Variants in PEX1 observed in about 807,000 individuals in gnomAD.
PEX1 encodes peroxisomal ATPase PEX1.
PEX1 carries 97 observed loss-of-function variants against 152.5 expected under a neutral mutation model. That is an observed-to-expected ratio of 0.64 (90% CI 0.54 to 0.75). The LOEUF is 0.75. Among genes scored for constraint, PEX1 ranks in the 30% least tolerant of loss-of-function variants. The pLI is 0.00. For missense variants in PEX1, 1,357 were observed against 1,516.3 expected, an observed-to-expected ratio of 0.89 and a Z score of 1.74; for synonymous variants, 485 against 531.6, an observed-to-expected ratio of 0.91 and a Z score of 1.21.
chr7:92,507,285 C>T (rs1792242329), intron 9 of PEX1, 159 bp from the exon 10 acceptor site: 2 of 619,564 alleles, frequency 3.2e-6, no homozygotes, highest in Non-Finnish European at 5.4e-6. Context: ...GTCATCCAGG[C>T]TGGAGCGCAG....
chr7:92,507,043 G>C lies in PEX1; in HGVS notation c.1754C>G (p.Ser585Cys). The C allele has an allele frequency of 4.3e-6, 7 of 1,614,028 alleles. No homozygotes were observed. Among genetic ancestry groups the C allele is most frequent in the African/African-American group, 1.3e-5 (1 of 75,020 alleles). ...LGRPLSRQLM[S>C]LVAGLRNGAL... ...TCCATTCCTAAGTCCTGCAACAAGA[G>C]ACATCAGCTGCCGAGACAAAGGGCG... Residue 585 changes from serine to cysteine, a missense_variant, in exon 10 of 24, where the codon TCT becomes TGT. Transcript: ENST00000248633.
At position 92,517,400 on chromosome 7, in the gene PEX1, G is replaced by A. The variant is rs762078630; in HGVS notation, c.1115C>T (p.Ser372Leu). The change falls in exon 5 of 24, where the codon TCA becomes TTA. Residue 372 changes from serine (S) to leucine (L), a missense_variant. Ser to Leu is a moderately radical substitution (Grantham distance 145, BLOSUM62 -2). Transcript: ENST00000248633. ...CTTCTCATCTTCTTCATTATGATCT[G>A]ACCTAATTTTTTTTTGATCTAGTGG... ...SEPLDQKKIR[S>L]DHNEEDEKAC... The A allele has an allele frequency of 1.9e-6, 3 of 1,613,562 alleles. No individual in the cohort carries two copies. The highest frequency in any genetic ancestry group is 1.3e-5 in the African/African-American group (1 of 74,828).
chr7:92,506,366 G>C (rs756542412), intron 10 of PEX1, 22 bp from the exon 11 acceptor site: 6 of 1,412,530 alleles, frequency 4.2e-6, no homozygotes, highest in Non-Finnish European at 6.0e-6. Context: ...TTGCTTTATA[G>C]GAATTCCCAA....
At chr7:92,509,837 A>G (rs1235490086) in intron 8 of PEX1, among the ~76,000 whole-genome samples, 2 of 152,174 alleles carry the variant, frequency 1.3e-5, no homozygotes, top group South Asian at 4.1e-4. Context: ...TAATCAAAAA[A>G]TAATATTGTA....
At chr7:92,495,701 A>G (rs1295559606) in intron 17 of PEX1, among the ~76,000 whole-genome samples, 2 of 152,000 alleles carry the variant, frequency 1.3e-5, no homozygotes, top group Non-Finnish European at 2.9e-5. Context: ...TTTTTTCTTA[A>G]TCAAACTTGT....
intron 9 of PEX1, 98 bp from the exon 10 acceptor site, chr7:92,507,224 T>C: frequency 2.1e-6 from 2 of 947,538 alleles, no homozygotes; most frequent in Non-Finnish European, 3.2e-6. Flanking sequence ...TGTAGTTAAT[T>C]AATTTAATTT....
chr7:92,517,772 A>ATAGTCCATAAACTTGC lies in PEX1; in HGVS notation c.727_742dup (p.Met248SerfsTer16). 1.3e-6 allele frequency: 2 copies of ATAGTCCATAAACTTGC among 1,592,108 alleles called. No individual in the cohort carries two copies. The highest frequency in any genetic ancestry group is 1.7e-6 in the Non-Finnish European group (2 of 1,170,002). On this transcript the variant is annotated frameshift_variant, in exon 5 of 24. Transcript: ENST00000248633. LOFTEE classifies it high-confidence loss of function. ...TTGAAAGGAAAAAATGCTTCCTATC[A>ATAGTCCATAAACTTGC]TAGTCCATAAACTTGCTACTGATGA...
At chr7:92,526,261 T>G (rs1288227225) in intron 1 of PEX1, among the ~76,000 whole-genome samples, 1 of 152,224 alleles carries the variant, frequency 6.6e-6, no homozygotes, top group African/African-American at 2.4e-5. Context: ...CTAAAGCCTA[T>G]TCCCTAAGAT....
At chr7:92,487,775 G>A (rs1357485638) in intron 23 of PEX1, among the ~76,000 whole-genome samples, 1 of 151,136 alleles carries the variant, frequency 6.6e-6, no homozygotes, top group Non-Finnish European at 1.5e-5. Flanking sequence ...AAATACAAAT[G>A]ACAATGAATA....
chr7:92,511,455 G>GTTAA (rs1792462269), intron 7 of PEX1, 125 bp downstream of exon 7: 3 of 822,782 alleles, frequency 3.6e-6, no homozygotes, highest in Non-Finnish European at 5.8e-6. Flanking sequence ...AAAAACTACT[G>GTTAA]TTTAATTATC....
chr7:92,507,532 C>A (rs1264510497), intron 9 of PEX1: 4 of 193,630 alleles, frequency 2.1e-5, no homozygotes, highest in Admixed American at 5.4e-5. Context: ...ATTATAGACA[C>A]AAGCCACCAT....
rs1209511160 is a variant in PEX1, at chr7:92,515,102, T to C, written c.1240-1135A>G. ...ATATATATATATATATATATATATATATATATATATATATATATATCAATA... is the reference window on the plus strand; with the variant it reads ...ATATATATATATATATATATATATACATATATATATATATATATATCAATA... On this transcript the variant is annotated intron_variant, in intron 5 of 23. Coordinates refer to ENST00000248633, the MANE Select transcript of PEX1 (RefSeq NM_000466.3). Among the ~76,000 whole-genome samples the C allele has an allele frequency of 2.7e-4, 33 of 120,230 alleles. 3 individuals are homozygous for C. The highest frequency in any genetic ancestry group is 2.7e-3 in the Admixed American group (33 of 12,238). The allele number at this position is 120,230 out of a possible 152,430, so 78.9% of individuals were successfully genotyped here.
rs1175512430 is a variant in PEX1, at chr7:92,494,465, T to C, written c.2926+22A>G. 4 of 1,612,670 alleles carry C rather than the reference T, an allele frequency of 2.5e-6. No homozygotes were observed. The African/African-American group carries it at 4.0e-5, about 16-fold the overall frequency. On this transcript the variant is annotated intron_variant, in intron 18 of 23. Transcript: ENST00000248633. ...GATGACATTTTGTTATAACATTCTATTTCTGTATTTATAATTATTACCCTG... is the reference window on the plus strand; with the variant it reads ...GATGACATTTTGTTATAACATTCTACTTCTGTATTTATAATTATTACCCTG...
intron 11 of PEX1, among the ~76,000 whole-genome samples, chr7:92,505,424 A>AG (rs1333784325): frequency 6.6e-6 from 1 of 151,634 alleles, no homozygotes; most frequent in African/African-American, 2.4e-5. Flanking sequence ...AAAAAAAAAA[A>AG]AAAGAAAAAA....
chr7:92,518,901 A>C, intron 3 of PEX1, 94 bp downstream of exon 3: 1 of 953,134 alleles, frequency 1.0e-6, no homozygotes, highest in Non-Finnish European at 1.7e-6. Context: ...AAACCAACTC[A>C]GAATATATAA....
intron 2 of PEX1, among the ~76,000 whole-genome samples, chr7:92,519,279 G>C (rs898713418): frequency 1.3e-5 from 2 of 151,946 alleles, no homozygotes; most frequent in African/African-American, 4.8e-5. Context: ...TTCTGGAGTA[G>C]AGTGGTACAA....
chr7:92,501,842 CA>C, intron 14 of PEX1, 47 bp downstream of exon 14: 1 of 1,515,804 alleles, frequency 6.6e-7, no homozygotes, highest in Admixed American at 1.7e-5. Flanking sequence ...TACATTTCTC[CA>C]CAATAGAAAG....
At chr7:92,521,385 T>G (rs901221122) in intron 2 of PEX1, among the ~76,000 whole-genome samples, 1 of 152,196 alleles carries the variant, frequency 6.6e-6, no homozygotes, top group African/African-American at 2.4e-5. Flanking sequence ...ATTAAACTCA[T>G]AAGGGAAAAC....
rs201875224 is a variant in PEX1, at chr7:92,513,834, A to C, written c.1359+14T>G. The C allele has an allele frequency of 1.3e-6, 2 of 1,584,108 alleles. No homozygotes were observed. The highest frequency in any genetic ancestry group is 4.5e-5 in the East Asian group (2 of 44,630). ...GTAAAAGAATTTTGATGTAACATATATATTTGAACTCACTAAATTCTCTCT... is the reference window on the plus strand; with the variant it reads ...GTAAAAGAATTTTGATGTAACATATCTATTTGAACTCACTAAATTCTCTCT... On this transcript the variant is annotated intron_variant, in intron 6 of 23. Coordinates refer to ENST00000248633, the MANE Select transcript of PEX1 (RefSeq NM_000466.3).
Sources: gnomAD v4.1 joint callset for allele counts (sites outside exome capture counted in the v4.1 genomes callset) on GRCh38, gnomAD v4.1.1 for gene constraint, MANE v1.5 for transcripts, NCBI Gene and HGNC (gene_info 2026-07-23, HGNC 2026-07-21) for gene names.